Variants in RELN observed in about 807,000 individuals in gnomAD.
RELN encodes reelin.
Under a neutral mutation model 427.6 loss-of-function variants are expected in RELN, and 108 were observed. The observed-to-expected ratio is 0.25, with a 90% CI of 0.22 to 0.30. RELN has a LOEUF of 0.30. RELN is among the 10% of genes least tolerant of loss of function. The pLI is 1.00. For missense variants in RELN, 3,715 were observed against 4,302.8 expected, an observed-to-expected ratio of 0.86 and a Z score of 3.82; for synonymous variants, 1,524 against 1,513.4, an observed-to-expected ratio of 1.01 and a Z score of -0.16.
chr7:103,654,891 T>C (rs559508672), intron 12 of RELN, among the ~76,000 whole-genome samples: 128 of 152,182 alleles, frequency 8.4e-4, no homozygotes, highest in African/African-American at 3.0e-3. Context: ...GCTAAGATCA[T>C]GTAACTAACT....
At chr7:103,853,250 C>T (rs1286560445) in intron 2 of RELN, among the ~76,000 whole-genome samples, 1 of 152,044 alleles carries the variant, frequency 6.6e-6, no homozygotes, top group African/African-American at 2.4e-5. Context: ...TATTTGAATA[C>T]ACATTCACTT....
chr7:103,627,370 C>T (rs979176919), intron 20 of RELN, among the ~76,000 whole-genome samples: 2 of 151,964 alleles, frequency 1.3e-5, no homozygotes, highest in East Asian at 1.9e-4. Context: ...AATATTGTAA[C>T]AAGTATTTCT....
chr7:103,478,620 C>T (rs1384392033), intron 63 of RELN: 4 of 488,542 alleles, frequency 8.2e-6, no homozygotes, highest in Non-Finnish European at 1.5e-5. Context: ...AATATTTGCT[C>T]ATAACCATAT....
intron 7 of RELN, among the ~76,000 whole-genome samples, chr7:103,725,224 T>C (rs1205118038): frequency 6.6e-6 from 1 of 152,180 alleles, no homozygotes; most frequent in Non-Finnish European, 1.5e-5. Flanking sequence ...AACTCACCCT[T>C]GTAATTAAAA....
intron 4 of RELN, among the ~76,000 whole-genome samples, chr7:103,772,644 A>G (rs1490176916): frequency 6.6e-6 from 1 of 152,210 alleles, no homozygotes. Context: ...AGGGTCTGAC[A>G]GCCCGAGTTA....
At chr7:103,732,475 C>T (rs1790378529) in intron 6 of RELN, among the ~76,000 whole-genome samples, 1 of 152,134 alleles carries the variant, frequency 6.6e-6, no homozygotes, top group African/African-American at 2.4e-5. Flanking sequence ...TACAACTACA[C>T]ATATGAATGC....
chr7:103,607,650 T>A (rs1036493546), intron 22 of RELN, among the ~76,000 whole-genome samples: 2 of 152,224 alleles, frequency 1.3e-5, no homozygotes, highest in African/African-American at 4.8e-5. Flanking sequence ...ATTTGATTTT[T>A]CCTTCCCATA....
chr7:103,625,464 C>G (rs547080686), intron 20 of RELN, among the ~76,000 whole-genome samples: 1 of 152,286 alleles, frequency 6.6e-6, no homozygotes, highest in Admixed American at 6.5e-5. Flanking sequence ...AAAATAACGT[C>G]TGTTAGCTTC....
chr7:103,842,742 G>T (rs1584288460), intron 2 of RELN, among the ~76,000 whole-genome samples: 1 of 152,188 alleles, frequency 6.6e-6, no homozygotes, highest in African/African-American at 2.4e-5. Flanking sequence ...AAGTCATTCT[G>T]GAATTGTGTA....
Position 103,620,224 on chromosome 7 carries a change from GC to G in RELN, c.2703-8422del, listed in dbSNP as rs1832186432. ...TCTCATCTGCTGCCATGTAAGACGT[GC>G]CTTTTGCCTTCTGCCATGATTGTGA... On this transcript the variant is annotated intron_variant, in intron 20 of 64. Coordinates refer to ENST00000428762, the MANE Select transcript of RELN (RefSeq NM_005045.4). The surrounding 1 kb of genome is among the most constrained non-coding windows in gnomAD (Gnocchi z 4.1). Among the ~76,000 whole-genome samples, 1 of 152,138 alleles carries G rather than the reference GC, an allele frequency of 6.6e-6. No homozygotes were observed.
At chr7:103,727,648 G>A (rs184236607) in intron 7 of RELN, among the ~76,000 whole-genome samples, 82 of 152,188 alleles carry the variant, frequency 5.4e-4, no homozygotes, top group Non-Finnish European at 7.4e-5. Context: ...TTTATTCAGC[G>A]TGCTCTTTCA....
At chr7:103,752,632 C>T (rs1462823569) in intron 5 of RELN, among the ~76,000 whole-genome samples, 1 of 152,084 alleles carries the variant, frequency 6.6e-6, no homozygotes, top group Non-Finnish European at 1.5e-5. Flanking sequence ...CCAGGCTGGT[C>T]TTAAACACCT....
chr7:103,548,141 T>C (rs914801281), intron 41 of RELN, among the ~76,000 whole-genome samples: 1 of 152,228 alleles, frequency 6.6e-6, no homozygotes, highest in African/African-American at 2.4e-5. Context: ...ACAAAAGGAC[T>C]CTAAAAGCAC....
chr7:103,530,024 T>A (rs930419985), intron 46 of RELN, among the ~76,000 whole-genome samples: 2 of 151,884 alleles, frequency 1.3e-5, no homozygotes, highest in Admixed American at 6.6e-5. Flanking sequence ...AATTTAGGAG[T>A]CCTCTCTCTC....
chr7:103,963,687 G>T (rs920817227), intron 1 of RELN, among the ~76,000 whole-genome samples: 4 of 152,022 alleles, frequency 2.6e-5, no homozygotes, highest in African/African-American at 9.7e-5. Flanking sequence ...CATTCATTTT[G>T]TTTTCTCTAT....
intron 6 of RELN, among the ~76,000 whole-genome samples, chr7:103,747,230 A>G (rs1028004400): frequency 7.1e-6 from 1 of 139,916 alleles, no homozygotes; most frequent in East Asian, 2.1e-4. Context: ...ACATGGCCAC[A>G]GGAAGGGGAA....
intron 20 of RELN, among the ~76,000 whole-genome samples, chr7:103,612,387 T>C (rs1831980896): frequency 6.6e-6 from 1 of 151,878 alleles, no homozygotes; most frequent in Non-Finnish European, 1.5e-5. Flanking sequence ...GTGATTCTCC[T>C]GCCTCAGCCT....
At chr7:103,873,624 T>C (rs1390603790) in intron 2 of RELN, among the ~76,000 whole-genome samples, 39 of 111,062 alleles carry the variant, frequency 3.5e-4, no homozygotes, top group African/African-American at 1.2e-3. Flanking sequence ...GATAAATTCC[T>C]CGACACATAC....
chr7:103,747,642 CT>C (rs541976561), intron 6 of RELN, among the ~76,000 whole-genome samples: 21,117 of 123,766 alleles, frequency 0.17, 1,689 homozygotes, highest in African/African-American at 0.29. Flanking sequence ...CCTACTCTCA[CT>C]TTTTTTTTTT....
Sources: gnomAD v4.1 joint callset for allele counts (sites outside exome capture counted in the v4.1 genomes callset) on GRCh38, gnomAD v4.1.1 for gene constraint, Gnocchi (gnomAD v3.1) non-coding constraint, MANE v1.5 for transcripts, NCBI Gene and HGNC (gene_info 2026-07-23, HGNC 2026-07-21) for gene names.